Variants in APH1B observed in about 807,000 individuals in gnomAD.
The protein encoded by APH1B is aph-1B gamma-secretase subunit, also known as gamma-secretase subunit APH-1B.
A neutral mutation model predicts 28.2 loss-of-function variants in APH1B; 27 were observed. The observed-to-expected ratio is 0.96, with a 90% CI of 0.70 to 1.32. APH1B has a LOEUF of 1.32. Among genes scored for constraint, APH1B ranks in the 40% most tolerant of loss-of-function variants. APH1B has a pLI of 0.00. For missense variants in APH1B, 305 were observed against 313.6 expected, an observed-to-expected ratio of 0.97 and a Z score of 0.21; for synonymous variants, 141 against 124.6, an observed-to-expected ratio of 1.13 and a Z score of -0.88.
At chr15:63,294,290 G>GA (rs1170917863) in intron 4 of APH1B, among the ~76,000 whole-genome samples, 15 of 151,716 alleles carry the variant, frequency 9.9e-5, no homozygotes, top group Admixed American at 4.6e-4. Flanking sequence ...ATTTGAAAGG[G>GA]AAAAAAAATC....
intron 2 of APH1B, among the ~76,000 whole-genome samples, chr15:63,281,450 A>G (rs1223016525): frequency 6.6e-6 from 1 of 151,474 alleles, no homozygotes; most frequent in Non-Finnish European, 1.5e-5. Context: ...TGTACTCTTC[A>G]CAGCTCAGCC....
Position 63,277,918 on chromosome 15 carries a change from C to G in APH1B, c.113+182C>G, listed in dbSNP as rs1193783792. ...GGCGCCTCGCCCTCTTAGGAAGAAG[C>G]GCACACTGGGGGTCAGGGCCTTTTG... is the stretch of plus-strand genomic sequence containing the variant. On this transcript the variant is annotated intron_variant, in intron 1 of 5. Coordinates refer to ENST00000261879, the MANE Select transcript of APH1B (RefSeq NM_031301.4). The G allele has an allele frequency of 1.5e-5, 9 of 615,626 alleles. No individual in the cohort carries two copies. In the East Asian group the frequency reaches 2.6e-4, roughly 18 times the overall value. 38.1% of individuals were successfully genotyped at this position (615,626 alleles called of 1,614,324 possible).
chr15:63,298,168 G>A (rs530357158), intron 4 of APH1B, among the ~76,000 whole-genome samples: 75 of 152,226 alleles, frequency 4.9e-4, no homozygotes, highest in Middle Eastern at 3.4e-3. Flanking sequence ...GTCAGAGGAA[G>A]AAATAATCTA....
chr15:63,279,046 T>G, intron 1 of APH1B, 115 bp from the exon 2 acceptor site: 1 of 859,028 alleles, frequency 1.2e-6, no homozygotes, highest in Non-Finnish European at 1.7e-6. Context: ...TTTTCCTTAT[T>G]GAAACGTCAA....
At chr15:63,292,146 A>C (rs1025598634) in intron 4 of APH1B, 1 of 152,248 alleles carries the variant, frequency 6.6e-6, no homozygotes, top group Non-Finnish European at 1.5e-5. Flanking sequence ...TGTAAGCAAG[A>C]CTATCTCAAT....
chr15:63,299,774 A>G (rs2038605374), intron 4 of APH1B, among the ~76,000 whole-genome samples: 2 of 152,050 alleles, frequency 1.3e-5, no homozygotes, highest in Non-Finnish European at 2.9e-5. Context: ...TGTCCCTGGT[A>G]AACACTTCTT....
intron 4 of APH1B, among the ~76,000 whole-genome samples, chr15:63,289,511 TC>T (rs762375258): frequency 2.0e-5 from 3 of 152,186 alleles, no homozygotes; most frequent in African/African-American, 7.2e-5. Context: ...AATCCAAAAA[TC>T]CAAAATCCAA....
chr15:63,287,130 G>A (rs1171657825), intron 3 of APH1B: 2 of 294,644 alleles, frequency 6.8e-6, no homozygotes, highest in South Asian at 6.8e-5. Flanking sequence ...GTAAGCCGGA[G>A]TTTTGGTGTT....
At chr15:63,286,454 C>T (rs1385784583) in intron 2 of APH1B, 104 bp from the exon 3 acceptor site, 1 of 876,392 alleles carries the variant, frequency 1.1e-6, no homozygotes, top group East Asian at 2.8e-5. Flanking sequence ...TGCAAAGCCT[C>T]AGTGAGTATC....
chr15:63,303,626 G>T (rs2152602583), intron 5 of APH1B, among the ~76,000 whole-genome samples: 1 of 152,246 alleles, frequency 6.6e-6, no homozygotes, highest in South Asian at 2.1e-4. Context: ...CTTCCAAGTA[G>T]CTGGGACTAT....
intron 4 of APH1B, among the ~76,000 whole-genome samples, chr15:63,294,233 C>G (rs2038539721): frequency 6.6e-6 from 1 of 152,122 alleles, no homozygotes; most frequent in African/African-American, 2.4e-5. Context: ...ACTCTTCACT[C>G]AGCCCCATAG....
chr15:63,279,641 A>T (rs979266376), intron 2 of APH1B, among the ~76,000 whole-genome samples: 1 of 152,234 alleles, frequency 6.6e-6, no homozygotes, highest in Non-Finnish European at 1.5e-5. Context: ...ATATTATAGT[A>T]GGAAGAGACA....
chr15:63,282,065 C>T (rs2038394798), intron 2 of APH1B, among the ~76,000 whole-genome samples: 1 of 152,108 alleles, frequency 6.6e-6, no homozygotes, highest in African/African-American at 2.4e-5. Flanking sequence ...TCAAAATTTT[C>T]CCAGCAAATT....
intron 5 of APH1B, among the ~76,000 whole-genome samples, 192 bp from the exon 6 acceptor site, chr15:63,305,422 C>T (rs1431093855): frequency 1.3e-5 from 2 of 152,180 alleles, no homozygotes; most frequent in African/African-American, 4.8e-5. Context: ...CAGCAAAACA[C>T]GGGACCCACA....
chr15:63,295,615 CAT>C (rs1006330354), intron 4 of APH1B, among the ~76,000 whole-genome samples: 8 of 152,300 alleles, frequency 5.3e-5, no homozygotes, highest in African/African-American at 1.4e-4. Flanking sequence ...TGGGGGCTGA[CAT>C]GTGTGTTATG....
rs777399804 is a variant in APH1B at position 63,305,736 on chromosome 15, C to T, written c.729C>T (p.Leu243=). ...GSCRSLKLCL[L]CQDKNFLLYN... is the part of the protein sequence containing the mutation. The stretch of plus-strand genomic sequence containing the variant: ...GCCGAAGCCTGAAACTCTGCCTGCT[C>T]TGCCAAGACAAGAACTTTCTTCTTT... The change falls in exon 6 of 6, where the codon CTC becomes CTT. Residue 243 remains leucine (L), a synonymous_variant. Transcript: ENST00000261879. 1.2e-6 allele frequency: 2 copies of T among 1,614,110 alleles called. No homozygotes were observed. The highest frequency in any genetic ancestry group is 1.7e-6 in the Non-Finnish European group (2 of 1,180,052).
At position 63,286,790 on chromosome 15, in the gene APH1B, T is replaced by A. The variant is rs183422346; in HGVS notation, c.355+162T>A. Reference sequence around the variant, plus strand: ...TTATCCCCGTCTTCCAGGTTCCTTTTGTAAATGAAAATGATTGCAAGTGAC... The same window carrying A: ...TTATCCCCGTCTTCCAGGTTCCTTTAGTAAATGAAAATGATTGCAAGTGAC... On this transcript the variant is annotated intron_variant, in intron 3 of 5. Coordinates refer to ENST00000261879, the MANE Select transcript of APH1B (RefSeq NM_031301.4). Among the ~76,000 whole-genome samples, 9 of 152,318 alleles carry A rather than the reference T, an allele frequency of 5.9e-5. No individual in the cohort carries two copies. The East Asian group carries it at 1.7e-3, about 29-fold the overall frequency.
Position 63,300,826 on chromosome 15 carries a change from A to C in APH1B, c.479-1519A>C, listed in dbSNP as rs74022908. ...ATGAAATAATACGCATTTTTTCACG[A>C]TACGGTTTTCTTTTCTACATAACAT... On this transcript the variant is annotated intron_variant, in intron 4 of 5. Transcript: ENST00000261879. Among the ~76,000 whole-genome samples, 1,394 of 152,300 alleles carry C rather than the reference A, an allele frequency of 9.2e-3. 26 individuals carry two copies. Among genetic ancestry groups the C allele is most frequent in the African/African-American group, 0.032 (1,337 of 41,552 alleles).
At chr15:63,280,501 A>C (rs1320395628) in intron 2 of APH1B, among the ~76,000 whole-genome samples, 3 of 152,220 alleles carry the variant, frequency 2.0e-5, no homozygotes, top group African/African-American at 4.8e-5. Flanking sequence ...GGCTTCTGTT[A>C]ACTTGTTCTT....
Sources: allele counts gnomAD v4.1 joint callset (sites outside exome capture counted in the v4.1 genomes callset), GRCh38; gene constraint gnomAD v4.1.1; transcripts MANE v1.5; gene names NCBI Gene and HGNC (gene_info 2026-07-23, HGNC 2026-07-21).